ZNF385B: variants seen among roughly 807,000 people sequenced by gnomAD.
ZNF385B encodes the protein zinc finger protein 533.
A neutral mutation model predicts 39.2 loss-of-function variants in ZNF385B; 23 were observed. The ratio of observed to expected loss-of-function variants is 0.59; its 90% CI spans 0.42 to 0.83. ZNF385B has a LOEUF of 0.83. Ranked by LOEUF, ZNF385B falls within the 40% of genes least tolerant of loss-of-function variation. ZNF385B has a pLI of 0.00. For missense variants in ZNF385B, 552 were observed against 598.9 expected (o/e 0.92, Z 0.82); for synonymous variants, 205 against 222.6 (o/e 0.92, Z 0.70).
At chr2:179,549,447 T>C (rs2060431700) in intron 3 of ZNF385B, among the ~76,000 whole-genome samples, 2 of 149,426 alleles carry the variant, frequency 1.3e-5, no homozygotes, top group Admixed American at 1.3e-4. Flanking sequence ...TTACTATCAG[T>C]GTAGGAGGGT....
intron 3 of ZNF385B, among the ~76,000 whole-genome samples, chr2:179,644,248 TG>T (rs1692518938): frequency 6.6e-6 from 1 of 152,134 alleles, no homozygotes; most frequent in Non-Finnish European, 1.5e-5. Flanking sequence ...CAGCATTCGA[TG>T]AAGGTAATGT....
chr2:179,565,509 T>C (rs900178867), intron 3 of ZNF385B, among the ~76,000 whole-genome samples: 13 of 152,202 alleles, frequency 8.5e-5, no homozygotes, highest in African/African-American at 2.9e-4. Flanking sequence ...TTCTCACACT[T>C]TGTAAGATTT....
At chr2:179,718,089 G>C (rs1474950224) in intron 3 of ZNF385B, among the ~76,000 whole-genome samples, 3 of 151,926 alleles carry the variant, frequency 2.0e-5, no homozygotes, top group Non-Finnish European at 4.4e-5. Flanking sequence ...ATCTCATTTA[G>C]TAAATCCTGA....
intron 6 of ZNF385B, among the ~76,000 whole-genome samples, chr2:179,474,108 T>TA (rs10715636): frequency 0.16 from 23,970 of 146,562 alleles, 2,095 homozygotes; most frequent in Middle Eastern, 0.22. Context: ...CAATTTGATT[T>TA]AAAAAAAAAA....
rs79385233 is a variant in ZNF385B, at chr2:179,711,208, C to T, written c.298+58295G>A. Among the ~76,000 whole-genome samples, 278 of 152,290 alleles carry T rather than the reference C, an allele frequency of 1.8e-3. 3 individuals carry two copies. Among genetic ancestry groups the T allele is most frequent in the South Asian group, 0.013 (62 of 4,816 alleles). Reference sequence around the variant, plus strand: ...ACTGATTTACTCTCGCAATGTAACCCAAGCCATGCAGGCCCTAGGTATACA... The same window carrying T: ...ACTGATTTACTCTCGCAATGTAACCTAAGCCATGCAGGCCCTAGGTATACA... On this transcript the variant is annotated intron_variant, in intron 3 of 9. Transcript: ENST00000410066.
chr2:179,753,967 G>A (rs369255999), intron 3 of ZNF385B, among the ~76,000 whole-genome samples: 1 of 152,004 alleles, frequency 6.6e-6, no homozygotes, highest in South Asian at 2.1e-4. Flanking sequence ...TTCCAACACT[G>A]TGTTGAATAG....
chr2:179,525,499 A>G (rs1395296122), intron 4 of ZNF385B, among the ~76,000 whole-genome samples: 1 of 152,312 alleles, frequency 6.6e-6, no homozygotes, highest in East Asian at 1.9e-4. Flanking sequence ...AGTGGCAGTC[A>G]TCATTTGCAC....
chr2:179,493,075 T>C (rs990881842), intron 5 of ZNF385B, among the ~76,000 whole-genome samples: 8 of 152,138 alleles, frequency 5.3e-5, no homozygotes, highest in African/African-American at 1.7e-4. Flanking sequence ...CTAGTGGGTT[T>C]CCACTTTCTG....
chr2:179,470,061 C>A (rs1018781722), intron 6 of ZNF385B, among the ~76,000 whole-genome samples: 1 of 152,156 alleles, frequency 6.6e-6, no homozygotes, highest in Non-Finnish European at 1.5e-5. Flanking sequence ...GTGGGTCTTT[C>A]CCTGGCCTCC....
intron 3 of ZNF385B, chr2:179,562,748 A>T (rs1684072969): frequency 4.8e-6 from 1 of 208,192 alleles, no homozygotes; most frequent in Admixed American, 6.5e-5. Flanking sequence ...TGTCATAGTA[A>T]AATGGAAATA....
At chr2:179,860,803 T>C (rs568982886) in intron 1 of ZNF385B, 18 of 465,202 alleles carry the variant, frequency 3.9e-5, no homozygotes, top group African/African-American at 2.2e-4. Context: ...TCCTTGGGAA[T>C]TGGAGCCTAC....
intron 3 of ZNF385B, among the ~76,000 whole-genome samples, chr2:179,734,031 T>C (rs1701577406): frequency 6.6e-6 from 1 of 152,180 alleles, no homozygotes; most frequent in South Asian, 2.1e-4. Flanking sequence ...TTGTTCTGCA[T>C]ATTGCAAATT....
At chr2:179,860,043 C>T (rs1197112277) in intron 1 of ZNF385B, among the ~76,000 whole-genome samples, 8 of 152,170 alleles carry the variant, frequency 5.3e-5, no homozygotes, top group East Asian at 3.8e-4. Context: ...CCAGTTTCCA[C>T]GCTTTAGGCT....
At chr2:179,762,569 C>A (rs906207558) in intron 3 of ZNF385B, among the ~76,000 whole-genome samples, 1 of 152,114 alleles carries the variant, frequency 6.6e-6, no homozygotes, top group African/African-American at 2.4e-5. Context: ...GTATATAATT[C>A]TTTTGATACA....
At chr2:179,505,191 C>T (rs1432573407) in intron 5 of ZNF385B, among the ~76,000 whole-genome samples, 4 of 151,746 alleles carry the variant, frequency 2.6e-5, no homozygotes, top group Non-Finnish European at 5.9e-5. Context: ...TGTATACATT[C>T]GTCAAACTCA....
chr2:179,476,245 T>C (rs1217467195), intron 6 of ZNF385B, among the ~76,000 whole-genome samples: 1 of 152,206 alleles, frequency 6.6e-6, no homozygotes, highest in African/African-American at 2.4e-5. Context: ...TTTATGGTTA[T>C]ACATTTACAG....
At chr2:179,449,231 A>G (rs2049825951) in intron 6 of ZNF385B, among the ~76,000 whole-genome samples, 1 of 152,168 alleles carries the variant, frequency 6.6e-6, no homozygotes. Flanking sequence ...AGCATAGAGC[A>G]GAAAATGATT....
At chr2:179,689,782 CATGT>C (rs1248012333) in intron 3 of ZNF385B, among the ~76,000 whole-genome samples, 2 of 104,760 alleles carry the variant, frequency 1.9e-5, no homozygotes, top group African/African-American at 3.7e-5. Context: ...AGGGCAGGGG[CATGT>C]GTGTGTGTGT....
intron 1 of ZNF385B, among the ~76,000 whole-genome samples, chr2:179,835,574 G>T (rs1197465047): frequency 6.6e-6 from 1 of 152,044 alleles, no homozygotes; most frequent in South Asian, 2.1e-4. Flanking sequence ...TCCTCACTAT[G>T]GCCATACCAA....
Sources: gnomAD v4.1 joint callset for allele counts (sites outside exome capture counted in the v4.1 genomes callset) on GRCh38, gnomAD v4.1.1 for gene constraint, MANE v1.5 for transcripts, NCBI Gene and HGNC (gene_info 2026-07-23, HGNC 2026-07-21) for gene names.